CRTAM: variants seen among roughly 807,000 people sequenced by gnomAD.
The protein encoded by CRTAM is cytotoxic and regulatory T cell molecule, also known as cytotoxic and regulatory T-cell molecule.
A neutral mutation model predicts 50.0 loss-of-function variants in CRTAM; 44 were observed. That is an observed-to-expected ratio of 0.88 (90% CI 0.69 to 1.13). The LOEUF (loss-of-function observed/expected upper bound fraction) is 1.13, where lower values mean the gene tolerates loss of function less well. Among genes scored for constraint, CRTAM ranks in the 50% most tolerant of loss-of-function variants. CRTAM has a pLI of 0.00. For synonymous variants in CRTAM, 159 were observed against 169.3 expected, an observed-to-expected ratio of 0.94 and a Z score of 0.47; for missense variants, 448 against 457.5, an observed-to-expected ratio of 0.98 and a Z score of 0.19.
At position 122,872,575 on chromosome 11, in the gene CRTAM, A is replaced by T. The variant is rs907685158; in HGVS notation, c.*1176A>T. 6.6e-6 allele frequency: 1 copy of T among 152,662 alleles called. No individual in the cohort carries two copies. The highest frequency in any genetic ancestry group is 2.4e-5 in the African/African-American group (1 of 41,462). 9.5% of individuals were successfully genotyped at this position (152,662 alleles called of 1,614,324 possible). ...GATCAGTTTATTTAAGCTATACAGC[A>T]AACTTTGGCATTTATGTGGAGCATT... On this transcript the variant is annotated 3_prime_UTR_variant, in exon 10 of 10. Coordinates refer to ENST00000227348, the MANE Select transcript of CRTAM (RefSeq NM_019604.4).
intron 2 of CRTAM, among the ~76,000 whole-genome samples, chr11:122,851,052 C>T (rs1861923591): frequency 6.6e-6 from 1 of 151,892 alleles, no homozygotes; most frequent in Non-Finnish European, 1.5e-5. Context: ...ATTTTGAAGT[C>T]AGGAGTTCAA....
chr11:122,865,129 C>T (rs1381992128), intron 7 of CRTAM, among the ~76,000 whole-genome samples: 9 of 151,956 alleles, frequency 5.9e-5, no homozygotes, highest in Admixed American at 4.6e-4. Flanking sequence ...CTCCACCTCC[C>T]GGGTTCAAGT....
At chr11:122,864,768 C>T in intron 7 of CRTAM, 49 bp downstream of exon 7, 1 of 1,340,920 alleles carries the variant, frequency 7.5e-7, no homozygotes, top group Non-Finnish European at 1.1e-6. Context: ...ATTTTAACCT[C>T]TTAATCGATA....
At chr11:122,870,194 C>T (rs920361591) in intron 9 of CRTAM, among the ~76,000 whole-genome samples, 7 of 152,134 alleles carry the variant, frequency 4.6e-5, no homozygotes, top group Admixed American at 2.0e-4. Flanking sequence ...AGTCCTCCCG[C>T]CTCAGCCTTC....
intron 2 of CRTAM, among the ~76,000 whole-genome samples, chr11:122,850,475 C>T (rs545717552): frequency 6.6e-6 from 1 of 152,286 alleles, no homozygotes; most frequent in Non-Finnish European, 1.5e-5. Context: ...TCCATGTCCC[C>T]ACCCCACACT....
rs760509203 is a variant in CRTAM, at chr11:122,850,120, G to A, written c.99G>A (p.Thr33=). Residue 33 remains threonine, a synonymous_variant, in exon 2 of 10, where the codon ACG becomes ACA. Coordinates refer to ENST00000227348, the MANE Select transcript of CRTAM (RefSeq NM_019604.4). ...CCATCACCGTGGAGGAAGGCCAGAC[G>A]CTCACTCTAAAGTGTGTCACTTCTC... ...TETITVEEGQ[T]LTLKCVTSLR... is the part of the protein sequence containing the mutation. 9.9e-6 allele frequency: 16 copies of A among 1,613,144 alleles called. No homozygotes were observed. Among genetic ancestry groups the A allele is most frequent in the Middle Eastern group, 1.7e-4 (1 of 5,974 alleles).
chr11:122,847,428 C>T (rs1439442246), intron 1 of CRTAM, among the ~76,000 whole-genome samples: 1 of 152,168 alleles, frequency 6.6e-6, no homozygotes, highest in Non-Finnish European at 1.5e-5. Context: ...CCAAACTTAC[C>T]AGATAAGACT....
Position 122,871,589 on chromosome 11 carries a change from G to T in CRTAM, c.*190G>T, listed in dbSNP as rs1156851821. On this transcript the variant is annotated 3_prime_UTR_variant, in exon 10 of 10. Transcript: ENST00000227348. ...ATGAGGACCAAACCATGCACATAAA[G>T]CTTGTAGTTTAAAAAAGAAAAGCAA... is the stretch of plus-strand genomic sequence containing the variant. The T allele has an allele frequency of 8.4e-5, 34 of 404,360 alleles. No individual in the cohort carries two copies. The highest frequency in any genetic ancestry group is 1.4e-4 in the Non-Finnish European group (31 of 229,000). 25.0% of individuals were successfully genotyped at this position (404,360 alleles called of 1,614,324 possible).
chr11:122,853,366 G>A (rs1000068747), intron 3 of CRTAM, among the ~76,000 whole-genome samples: 22 of 149,120 alleles, frequency 1.5e-4, no homozygotes, highest in African/African-American at 5.1e-4. Flanking sequence ...CACCTCGCCC[G>A]GCCTCATATA....
chr11:122,866,578 A>G (rs537410496), intron 7 of CRTAM, among the ~76,000 whole-genome samples: 4 of 151,174 alleles, frequency 2.6e-5, no homozygotes, highest in African/African-American at 9.7e-5. Flanking sequence ...ACTACAGCCC[A>G]TAGAATCAGA....
At chr11:122,848,112 G>T (rs76957776) in intron 1 of CRTAM, among the ~76,000 whole-genome samples, 2,485 of 152,236 alleles carry the variant, frequency 0.016, 75 homozygotes, top group African/African-American at 0.055. Flanking sequence ...ACTGATGCGT[G>T]GGCCCCACCA....
intron 5 of CRTAM, among the ~76,000 whole-genome samples, chr11:122,861,138 T>G (rs1862067952): frequency 6.6e-6 from 1 of 152,052 alleles, no homozygotes; most frequent in Non-Finnish European, 1.5e-5. Flanking sequence ...AGCCTTATAG[T>G]CTATACTATT....
chr11:122,863,596 G>C (rs1170833144), intron 6 of CRTAM, among the ~76,000 whole-genome samples: 1 of 152,012 alleles, frequency 6.6e-6, no homozygotes, highest in Non-Finnish European at 1.5e-5. Context: ...GTAAATGTTT[G>C]GGATTTCTAA....
intron 6 of CRTAM, 112 bp downstream of exon 6, chr11:122,862,656 C>A: frequency 1.5e-6 from 1 of 670,898 alleles, no homozygotes; most frequent in Non-Finnish European, 2.5e-6. Context: ...TTTACTAAGA[C>A]CATACAGGCC....
In CRTAM at chr11:122,853,846, AC is replaced by A. The variant is rs1472025953; in HGVS notation, c.347-94del. ...AAAGAAAGCCCATTAATTAGAGTAT[AC>A]CCTATAACAATCACCTACAGATTAT... is the stretch of plus-strand genomic sequence containing the variant. On this transcript the variant is annotated intron_variant, in intron 3 of 9. Coordinates refer to ENST00000227348, the MANE Select transcript of CRTAM (RefSeq NM_019604.4). 7 of 1,132,902 alleles carry A rather than the reference AC, an allele frequency of 6.2e-6. No individual in the cohort carries two copies. In the African/African-American group the frequency reaches 1.1e-4, roughly 18 times the overall value. 70.2% of individuals were successfully genotyped at this position (1,132,902 alleles called of 1,614,324 possible). A position where few individuals can be genotyped will look rare whatever the true frequency, so the allele number is the denominator to read the frequency against.
chr11:122,868,963 C>G (rs1485724693), intron 9 of CRTAM, among the ~76,000 whole-genome samples: 3 of 151,974 alleles, frequency 2.0e-5, no homozygotes, highest in Non-Finnish European at 4.4e-5. Flanking sequence ...GAGCCGAGAT[C>G]GTGCCACTGC....
At position 122,862,207 on chromosome 11, in the gene CRTAM, T is replaced by C; in HGVS notation, c.653-257T>C. ...GAAGGACACAGATAGAAACAGTGAATACTCTTTGCCTACCACTGCCACCAC... is the reference window on the plus strand; with the variant it reads ...GAAGGACACAGATAGAAACAGTGAACACTCTTTGCCTACCACTGCCACCAC... On this transcript the variant is annotated intron_variant, in intron 5 of 9. Transcript: ENST00000227348. 3 of 503,254 alleles carry C rather than the reference T, an allele frequency of 6.0e-6. No individual in the cohort carries two copies. The South Asian group carries it at 9.8e-5, about 16-fold the overall frequency. 31.2% of individuals were successfully genotyped at this position (503,254 alleles called of 1,614,324 possible).
Position 122,853,988 on chromosome 11 carries a change from A to G in CRTAM, c.392A>G (p.Gln131Arg), listed in dbSNP as rs1288807909. ...PILEASVIRK[Q>R]NGEEHVVLMC... ...CTGGAAGCTTCAGTTATCAGAAAGC[A>G]AAATGGAGAAGAACATGTTGTACTC... Residue 131 changes from glutamine (Q) to arginine (R), a missense_variant, in exon 4 of 10, where the codon CAA becomes CGA. Physicochemically the swap from Gln to Arg is conservative, Grantham distance 43. Transcript: ENST00000227348. 1 of 1,614,126 alleles carries G rather than the reference A, an allele frequency of 6.2e-7. No homozygotes were observed. The highest frequency in any genetic ancestry group is 1.3e-5 in the African/African-American group (1 of 75,052).
intron 1 of CRTAM, among the ~76,000 whole-genome samples, chr11:122,838,841 T>TA (rs1487179060): frequency 6.6e-6 from 1 of 152,210 alleles, no homozygotes; most frequent in Non-Finnish European, 1.5e-5. Flanking sequence ...GGTCCTATGT[T>TA]ACGGCAAGAT....
Sources: gnomAD v4.1 joint callset for allele counts (sites outside exome capture counted in the v4.1 genomes callset) on GRCh38, gnomAD v4.1.1 for gene constraint, MANE v1.5 for transcripts, NCBI Gene and HGNC (gene_info 2026-07-23, HGNC 2026-07-21) for gene names.